SLC24A2: variants seen among roughly 807,000 people sequenced by gnomAD.
SLC24A2 encodes solute carrier family 24 member 2.
In SLC24A2, 36 loss-of-function variants were observed where a neutral mutation model predicts 62.0. The ratio of observed to expected loss-of-function variants is 0.58; its 90% CI spans 0.44 to 0.77. The LOEUF is 0.77. Ranked by LOEUF, SLC24A2 falls within the 30% of genes least tolerant of loss-of-function variation. The probability of loss-of-function intolerance (pLI) is 0.00; values close to 1 mark genes in which losing one functional copy is unlikely to be tolerated. For synonymous variants in SLC24A2, 358 were observed against 294.0 expected (o/e 1.22, Z -2.23); for missense variants, 846 against 817.9 (o/e 1.03, Z -0.42).
chr9:19,512,126 G>A lies in SLC24A2; in HGVS notation c.*4027C>T, dbSNP rs1469865261. On this transcript the variant is annotated 3_prime_UTR_variant, in exon 11 of 11. Coordinates refer to ENST00000341998, the MANE Select transcript of SLC24A2 (RefSeq NM_020344.4). The stretch of plus-strand genomic sequence containing the variant: ...TCATCTCTTCTCTCACTGTTCCAGA[G>A]GCCTTTAAAAGCTATGTGCAGTGGT... 6.6e-6 allele frequency: 1 copy of A among 152,152 alleles called. No individual in the cohort carries two copies. The highest frequency in any genetic ancestry group is 2.4e-5 in the African/African-American group (1 of 41,420). The allele number at this position is 152,152 out of a possible 1,614,324, so 9.4% of individuals were successfully genotyped here.
At chr9:20,006,048 A>G in the SLC24A2 span, among the ~76,000 whole-genome samples, 1 of 151,860 alleles carries the variant, frequency 6.6e-6, no homozygotes, top group Non-Finnish European at 1.5e-5. Flanking sequence ...GTCACATATT[A>G]AAATACCCAA....
chr9:19,793,716 C>T (rs1187156095), upstream of SLC24A2, among the ~76,000 whole-genome samples: 1 of 152,150 alleles, frequency 6.6e-6, no homozygotes, highest in African/African-American at 2.4e-5. Context: ...CCAATAATGT[C>T]TCCAAAGCCC....
intron 10 of SLC24A2, among the ~76,000 whole-genome samples, chr9:19,517,810 G>A (rs953010960): frequency 2.6e-5 from 4 of 151,930 alleles, no homozygotes; most frequent in Non-Finnish European, 5.9e-5. Context: ...CTGAGAGTGG[G>A]GGTGATGGCA....
the SLC24A2 span, among the ~76,000 whole-genome samples, chr9:20,261,733 C>CTTTTTTTTTTTTTTTTTTT: frequency 4.0e-5 from 3 of 75,282 alleles, no homozygotes; most frequent in Non-Finnish European, 7.0e-5. Context: ...AACACCAAAT[C>CTTTTTTTTTTTTTTTTTTT]TTTTTTTTTT....
the SLC24A2 span, among the ~76,000 whole-genome samples, chr9:20,258,785 T>A: frequency 7.7e-6 from 1 of 129,626 alleles, no homozygotes; most frequent in South Asian, 3.2e-4. Flanking sequence ...TCTATCTATC[T>A]ATCTATCTAT....
the SLC24A2 span, among the ~76,000 whole-genome samples, chr9:20,076,136 ACAG>A: frequency 6.6e-6 from 1 of 152,096 alleles, no homozygotes; most frequent in African/African-American, 2.4e-5. Context: ...GGTGGGATTC[ACAG>A]ATGCGGAACC....
At chr9:19,712,981 C>T (rs980848040) in intron 2 of SLC24A2, among the ~76,000 whole-genome samples, 3 of 152,160 alleles carry the variant, frequency 2.0e-5, no homozygotes, top group Non-Finnish European at 2.9e-5. Flanking sequence ...TAGATATCTG[C>T]ATGATTCACT....
At chr9:20,220,026 G>C in the SLC24A2 span, among the ~76,000 whole-genome samples, 3 of 152,012 alleles carry the variant, frequency 2.0e-5, no homozygotes, top group South Asian at 6.2e-4. Flanking sequence ...TGCTATATAA[G>C]TGTAATTTAT....
intron 7 of SLC24A2, among the ~76,000 whole-genome samples, chr9:19,571,790 G>A (rs755172420): frequency 6.6e-6 from 1 of 152,216 alleles, no homozygotes; most frequent in Non-Finnish European, 1.5e-5. Flanking sequence ...ATCAGGATGA[G>A]ATCCAGAAAT....
the SLC24A2 span, among the ~76,000 whole-genome samples, chr9:20,292,928 A>T: frequency 1.3e-5 from 2 of 152,204 alleles, no homozygotes; most frequent in Non-Finnish European, 2.9e-5. Flanking sequence ...GTTCAAAATC[A>T]AGGGATCAGC....
the SLC24A2 span, among the ~76,000 whole-genome samples, chr9:20,172,374 C>G: frequency 6.6e-6 from 1 of 151,628 alleles, no homozygotes; most frequent in Non-Finnish European, 1.5e-5. Context: ...GAAATTGAAA[C>G]AAACAAAAAC....
At chr9:19,585,156 CTT>C (rs144474408) in intron 5 of SLC24A2, among the ~76,000 whole-genome samples, 4 of 152,094 alleles carry the variant, frequency 2.6e-5, no homozygotes, top group Non-Finnish European at 5.9e-5. Context: ...TAAAAAAAGA[CTT>C]TTTTTCCTCA....
At chr9:19,662,062 T>C (rs892133809) in intron 2 of SLC24A2, among the ~76,000 whole-genome samples, 1 of 152,190 alleles carries the variant, frequency 6.6e-6, no homozygotes, top group Non-Finnish European at 1.5e-5. Flanking sequence ...CTGGCCAAGA[T>C]CTTTTGATCT....
chr9:19,757,169 T>A (rs1263095982), intron 2 of SLC24A2, among the ~76,000 whole-genome samples: 3 of 152,184 alleles, frequency 2.0e-5, no homozygotes, highest in Admixed American at 6.6e-5. Flanking sequence ...ACTAATCAGA[T>A]GATAACAGGT....
chr9:19,740,365 G>C (rs1327853285), intron 2 of SLC24A2, among the ~76,000 whole-genome samples: 2 of 152,192 alleles, frequency 1.3e-5, no homozygotes, highest in African/African-American at 4.8e-5. Flanking sequence ...ATAAATTGTA[G>C]TGTATTCTTA....
intron 2 of SLC24A2, among the ~76,000 whole-genome samples, chr9:19,781,768 C>G (rs1248040015): frequency 6.6e-6 from 1 of 152,164 alleles, no homozygotes; most frequent in Non-Finnish European, 1.5e-5. Flanking sequence ...TAAGGACCAT[C>G]TTACCTACTT....
At chr9:19,809,109 G>C in the SLC24A2 span, among the ~76,000 whole-genome samples, 1 of 151,974 alleles carries the variant, frequency 6.6e-6, no homozygotes, top group African/African-American at 2.4e-5. Flanking sequence ...TTGTTTTTCT[G>C]TTGTTAACTT....
chr9:19,849,951 G>T, the SLC24A2 span, among the ~76,000 whole-genome samples: 1 of 151,630 alleles, frequency 6.6e-6, no homozygotes, highest in Non-Finnish European at 1.5e-5. Flanking sequence ...TTGAAAGGCA[G>T]TTAGCACATT....
the SLC24A2 span, among the ~76,000 whole-genome samples, chr9:20,247,632 A>G: frequency 6.6e-6 from 1 of 152,170 alleles, no homozygotes; most frequent in Non-Finnish European, 1.5e-5. Context: ...TGTCTCCAAA[A>G]CTGAGAAACA....
Sources: allele counts gnomAD v4.1 joint callset (sites outside exome capture counted in the v4.1 genomes callset), GRCh38; gene constraint gnomAD v4.1.1; transcripts MANE v1.5; gene names NCBI Gene and HGNC (gene_info 2026-07-23, HGNC 2026-07-21).